TXNL4A: variants seen among roughly 807,000 people sequenced by gnomAD.
TXNL4A encodes the protein thioredoxin-like protein 4A.
Under a neutral mutation model 14.6 loss-of-function variants are expected in TXNL4A, and 17 were observed. The ratio of observed to expected loss-of-function variants is 1.16; its 90% CI spans 0.80 to 1.74. TXNL4A has a LOEUF of 1.74. Among genes scored for constraint, TXNL4A ranks in the 40% most tolerant of loss-of-function variants. TXNL4A has a pLI of 0.00. For missense variants in TXNL4A, 74 were observed against 195.2 expected, an observed-to-expected ratio of 0.38 and a Z score of 3.70; for synonymous variants, 83 against 70.6, an observed-to-expected ratio of 1.18 and a Z score of -0.88.
chr18:79,996,054 A>G (rs1057421340), intron 1 of TXNL4A, among the ~76,000 whole-genome samples: 2 of 140,158 alleles, frequency 1.4e-5, no homozygotes, highest in African/African-American at 5.3e-5. Context: ...CAGTGAGCCC[A>G]CATCGCGCCA....
In TXNL4A at chr18:79,988,526, C is replaced by T. The variant is rs1400915790; in HGVS notation, c.-134G>A. 5 of 939,998 alleles carry T rather than the reference C, an allele frequency of 5.3e-6. No individual in the cohort carries two copies. Among genetic ancestry groups the T allele is most frequent in the Non-Finnish European group, 5.6e-6 (4 of 719,954 alleles). 58.2% of individuals were successfully genotyped at this position (939,998 alleles called of 1,614,324 possible). A position where few individuals can be genotyped will look rare whatever the true frequency, so the allele number is the denominator to read the frequency against. ...GACGAAATCCGGTCCCGCCCGCACA[C>T]GCAAACTCCGCTGGGACTGCCACCC... On this transcript the variant is annotated 5_prime_UTR_variant, in exon 1 of 3. It adds an upstream start codon to the 5' untranslated region. Transcript: ENST00000269601.
At chr18:80,012,166 A>G (rs2051774389) in intron 1 of TXNL4A, among the ~76,000 whole-genome samples, 1 of 152,186 alleles carries the variant, frequency 6.6e-6, no homozygotes, top group Non-Finnish European at 1.5e-5. Flanking sequence ...AGAAATATTA[A>G]GCACTGATTT....
At chr18:79,977,162 T>C (rs1473453507) in intron 2 of TXNL4A, among the ~76,000 whole-genome samples, 1 of 152,110 alleles carries the variant, frequency 6.6e-6, no homozygotes, top group Non-Finnish European at 1.5e-5. Flanking sequence ...TTTCACCATC[T>C]TAGCCCAGCT....
chr18:79,996,191 G>A (rs1285508980), intron 1 of TXNL4A, among the ~76,000 whole-genome samples: 2 of 150,748 alleles, frequency 1.3e-5, no homozygotes, highest in Non-Finnish European at 2.9e-5. Context: ...AGAAAATGCA[G>A]CTCAGGAAGA....
At chr18:80,005,164 C>A (rs1313442128) in intron 1 of TXNL4A, among the ~76,000 whole-genome samples, 1 of 152,196 alleles carries the variant, frequency 6.6e-6, no homozygotes, top group Admixed American at 6.5e-5. Context: ...CCTGGGGGAA[C>A]AGCATGCAGA....
chr18:80,018,608 AAGAG>A (rs937563537), intron 1 of TXNL4A, among the ~76,000 whole-genome samples: 16 of 152,318 alleles, frequency 1.1e-4, no homozygotes, highest in Middle Eastern at 3.4e-3. Context: ...TAAAGAAAAA[AAGAG>A]AGAAGAATCA....
At chr18:80,024,474 TTGTGTGTG>T (rs139601899) in intron 1 of TXNL4A, among the ~76,000 whole-genome samples, 3 of 151,698 alleles carry the variant, frequency 2.0e-5, no homozygotes, top group Non-Finnish European at 4.4e-5. Context: ...TGTCTCTGCT[TTGTGTGTG>T]TGTGTATGTG....
chr18:80,022,191 T>C (rs1339534747), intron 1 of TXNL4A, among the ~76,000 whole-genome samples: 2 of 152,188 alleles, frequency 1.3e-5, no homozygotes, highest in Admixed American at 1.3e-4. Flanking sequence ...GGGCATTTCC[T>C]GCAGGGGCAA....
At chr18:80,017,686 A>G (rs2051821318) in intron 1 of TXNL4A, among the ~76,000 whole-genome samples, 1 of 150,284 alleles carries the variant, frequency 6.7e-6, no homozygotes, top group Non-Finnish European at 1.5e-5. Context: ...TGTATATTGA[A>G]CCAGCCTTGC....
At chr18:79,989,589 G>A (rs529262588), upstream of TXNL4A, among the ~76,000 whole-genome samples, 34 of 152,310 alleles carry the variant, frequency 2.2e-4, no homozygotes, top group Admixed American at 5.9e-4. Context: ...CTGTTCTTCT[G>A]AGAGAGCACT....
At chr18:80,004,508 T>A (rs1435946600) in intron 1 of TXNL4A, among the ~76,000 whole-genome samples, 1 of 152,176 alleles carries the variant, frequency 6.6e-6, no homozygotes, top group African/African-American at 2.4e-5. Context: ...TTCCTGAGAA[T>A]TCCCAGCAAT....
In TXNL4A at chr18:80,011,983, C is replaced by G. The variant is rs3865386; in HGVS notation, c.-61+21868G>C. ...ATCCTTTTCCTCATCCCTTCCTCCC[C>G]CTCCCATCTGCCCTAAGAACAAAGA... is the stretch of plus-strand genomic sequence containing the variant. On this transcript the variant is annotated intron_variant, in intron 1 of 2. Transcript: ENST00000585474. This position sits in a 1 kb window ranked among gnomAD's most constrained non-coding sequence, Gnocchi z 4.1. Among the ~76,000 whole-genome samples the G allele has an allele frequency of 2.0e-4, 30 of 152,076 alleles. No homozygotes were observed. Among genetic ancestry groups the G allele is most frequent in the African/African-American group, 5.3e-4 (22 of 41,502 alleles).
upstream of TXNL4A, among the ~76,000 whole-genome samples, chr18:79,990,995 C>A (rs1489758857): frequency 1.3e-5 from 2 of 151,482 alleles, no homozygotes; most frequent in African/African-American, 4.9e-5. Flanking sequence ...GTAGTCCCAG[C>A]TACTCGGGAG....
chr18:80,018,982 T>C (rs181042382), intron 1 of TXNL4A, among the ~76,000 whole-genome samples: 1 of 152,360 alleles, frequency 6.6e-6, no homozygotes, highest in East Asian at 1.9e-4. Flanking sequence ...TAGAATTTTA[T>C]TGTCCATATC....
intron 1 of TXNL4A, among the ~76,000 whole-genome samples, chr18:80,012,676 T>C (rs1054668489): frequency 9.2e-5 from 14 of 152,334 alleles, no homozygotes; most frequent in African/African-American, 3.4e-4. Context: ...TTTGGAACTA[T>C]ACATGCTGCG....
chr18:80,029,072 A>T (rs1478247883), intron 1 of TXNL4A, among the ~76,000 whole-genome samples: 3 of 152,256 alleles, frequency 2.0e-5, no homozygotes, highest in Non-Finnish European at 2.9e-5. Flanking sequence ...GAGCTCCTGC[A>T]AAAGAGAAAT....
chr18:80,015,500 A>C (rs952251916), intron 1 of TXNL4A, among the ~76,000 whole-genome samples: 1 of 151,680 alleles, frequency 6.6e-6, no homozygotes, highest in African/African-American at 2.4e-5. Context: ...TCCTAATGCT[A>C]TCCCTCCCCC....
intron 1 of TXNL4A, among the ~76,000 whole-genome samples, chr18:80,005,618 G>A (rs1816311): frequency 0.77 from 117,177 of 152,194 alleles, 46,142 homozygotes; most frequent in East Asian, 0.91. Context: ...ATTTAACTCC[G>A]TATTGAAAAA....
At chr18:79,975,844 A>C (rs1285934817) in intron 2 of TXNL4A, among the ~76,000 whole-genome samples, 2 of 152,230 alleles carry the variant, frequency 1.3e-5, no homozygotes, top group Non-Finnish European at 2.9e-5. Flanking sequence ...TGCTGCCTTC[A>C]AGAGAGGAAA....
Sources: gnomAD v4.1 joint callset for allele counts (sites outside exome capture counted in the v4.1 genomes callset) on GRCh38, gnomAD v4.1.1 for gene constraint, Gnocchi (gnomAD v3.1) non-coding constraint, MANE v1.5 for transcripts, NCBI Gene and HGNC (gene_info 2026-07-23, HGNC 2026-07-21) for gene names.